Variants in VMA22 observed in about 807,000 individuals in gnomAD.
VMA22 encodes the protein vacuolar ATPase assembly protein VMA22.
chr2:130,340,591 A>G, the VMA22 span: 6 of 375,386 alleles, frequency 1.6e-5, no homozygotes, highest in East Asian at 2.7e-4. Context: ...TGTGTTTTTC[A>G]TAACAATTTT....
At chr2:130,339,503 A>G in the VMA22 span, 2 of 1,338,078 alleles carry the variant, frequency 1.5e-6, no homozygotes, top group Non-Finnish European at 1.9e-6. Context: ...TAGTAATACC[A>G]TTTCATGCCC....
the VMA22 span, among the ~76,000 whole-genome samples, chr2:130,338,049 C>T: frequency 7.9e-5 from 12 of 152,340 alleles, no homozygotes; most frequent in South Asian, 2.1e-3. Flanking sequence ...CATTAACCGA[C>T]ATACAGCACG....
At chr2:130,340,579 T>C in the VMA22 span, 3 of 361,744 alleles carry the variant, frequency 8.3e-6, no homozygotes, top group South Asian at 6.6e-5. Flanking sequence ...CCCACTCCAT[T>C]ATGTGTTTTT....
chr2:130,340,452 T>C, the VMA22 span: 4 of 242,464 alleles, frequency 1.6e-5, no homozygotes, highest in South Asian at 1.7e-4. Flanking sequence ...ACCAGATATA[T>C]CTGGCTTCAG....
At chr2:130,342,246 C>T in the VMA22 span, 3 of 1,543,650 alleles carry the variant, frequency 1.9e-6, no homozygotes, top group Admixed American at 4.0e-5. Flanking sequence ...ATCCCCACGC[C>T]GGCAGCACCA....
the VMA22 span, chr2:130,342,322 A>G: frequency 1.0e-6 from 1 of 999,316 alleles, no homozygotes; most frequent in African/African-American, 1.6e-5. Flanking sequence ...GCAACCAATC[A>G]ACTGGTTTCT....
At chr2:130,339,567 C>T in the VMA22 span, 1 of 1,285,032 alleles carries the variant, frequency 7.8e-7, no homozygotes, top group Non-Finnish European at 1.0e-6. Context: ...CACCTGCTCT[C>T]CCTCCACTTC....
At chr2:130,341,801 G>GGGGGGGGCCCCCCCC in the VMA22 span, 1 of 1,378,138 alleles carries the variant, frequency 7.3e-7, no homozygotes. Context: ...CCTAGAACGC[G>GGGGGGGGCCCCCCCC]CCCGCCCGCC....
the VMA22 span, chr2:130,341,801 G>GTCCC: frequency 7.3e-7 from 1 of 1,378,140 alleles, no homozygotes; most frequent in South Asian, 1.3e-5. Context: ...CCTAGAACGC[G>GTCCC]CCCGCCCGCC....
At chr2:130,339,215 C>T in the VMA22 span, 1 of 1,614,110 alleles carries the variant, frequency 6.2e-7, no homozygotes. Flanking sequence ...CTGGCTATGT[C>T]TGCGGCCAGC....
the VMA22 span, chr2:130,341,961 G>A: frequency 1.2e-6 from 2 of 1,613,204 alleles, no homozygotes; most frequent in East Asian, 4.5e-5. Flanking sequence ...GGAGAGGAAA[G>A]CGGTGAGACT....
At chr2:130,339,212 T>C in the VMA22 span, 101 of 1,614,016 alleles carry the variant, frequency 6.3e-5, no homozygotes, top group Non-Finnish European at 8.4e-5. Context: ...AGGCTGGCTA[T>C]GTCTGCGGCC....
the VMA22 span, chr2:130,340,706 C>A: frequency 1.6e-6 from 1 of 618,016 alleles, no homozygotes; most frequent in Non-Finnish European, 2.8e-6. Context: ...TGCTGTATCC[C>A]CAGCAGCTAG....
chr2:130,339,223 A>G, the VMA22 span: 34 of 1,613,882 alleles, frequency 2.1e-5, no homozygotes, highest in South Asian at 7.7e-5. Context: ...GTCTGCGGCC[A>G]GCTGCAGGCC....
chr2:130,342,075 C>G, the VMA22 span: 2 of 1,613,948 alleles, frequency 1.2e-6, no homozygotes, highest in Non-Finnish European at 1.7e-6. Flanking sequence ...GGTCCCCAAG[C>G]AGCTGCAGGA....
chr2:130,342,548 T>A, the VMA22 span: 1 of 460,204 alleles, frequency 2.2e-6, no homozygotes, highest in South Asian at 3.6e-5. Context: ...CGGTGTGCGG[T>A]TTTTACAGTT....
the VMA22 span, chr2:130,339,630 G>A: frequency 1.5e-6 from 2 of 1,305,222 alleles, no homozygotes; most frequent in South Asian, 2.5e-5. Context: ...TTTTGCTGAT[G>A]TCTCTGCTGG....
At chr2:130,342,485 G>T in the VMA22 span, 1 of 506,934 alleles carries the variant, frequency 2.0e-6, no homozygotes, top group African/African-American at 1.9e-5. Context: ...TTTGGTTGAG[G>T]GAAGAGTGGT....
the VMA22 span, chr2:130,338,890 A>T: frequency 1.9e-6 from 1 of 532,126 alleles, no homozygotes; most frequent in East Asian, 3.3e-5. Flanking sequence ...AGTGTGTCCT[A>T]TGGGAACTCA....
Sources: gnomAD v4.1 joint callset for allele counts (sites outside exome capture counted in the v4.1 genomes callset) on GRCh38, gnomAD v4.1.1 for gene constraint, MANE v1.5 for transcripts, NCBI Gene and HGNC (gene_info 2026-07-23, HGNC 2026-07-21) for gene names.